ARID3C: variants seen among roughly 807,000 people sequenced by gnomAD.
ARID3C encodes AT-rich interactive domain-containing protein 3C.
A neutral mutation model predicts 37.9 loss-of-function variants in ARID3C; 42 were observed. The ratio of observed to expected loss-of-function variants is 1.11; its 90% CI spans 0.87 to 1.43. The LOEUF (loss-of-function observed/expected upper bound fraction) is 1.43, where lower values mean the gene tolerates loss of function less well. Ranked by LOEUF, ARID3C falls within the 40% of genes most tolerant of loss-of-function variation. The pLI is 0.00. For synonymous variants in ARID3C, 213 were observed against 228.0 expected (o/e 0.93, Z 0.59); for missense variants, 581 against 548.8 (o/e 1.06, Z -0.59).
upstream of ARID3C, among the ~76,000 whole-genome samples, chr9:34,632,332 A>T (rs532260779): frequency 6.6e-6 from 1 of 152,300 alleles, no homozygotes; most frequent in Admixed American, 6.5e-5. Flanking sequence ...TTGGAAGAAA[A>T]GCAAGGAGGC....
intron 2 of ARID3C, among the ~76,000 whole-genome samples, chr9:34,625,050 C>A (rs1008687356): frequency 6.7e-6 from 1 of 149,674 alleles, no homozygotes; most frequent in Admixed American, 6.7e-5. Flanking sequence ...GGGCCAGCAG[C>A]TGCACTAAAG....
chr9:34,624,181 A>G, intron 2 of ARID3C, 134 bp from the exon 4 acceptor site: 2 of 1,020,144 alleles, frequency 2.0e-6, no homozygotes, highest in Non-Finnish European at 2.7e-6. Context: ...ACAGAACCCC[A>G]GGGTCTCTGT....
exon 1 of ARID3C, chr9:34,627,820 T>G: frequency 6.2e-7 from 1 of 1,612,648 alleles, no homozygotes; most frequent in Non-Finnish European, 8.5e-7. Context: ...CTGCCCCGGC[T>G]TCCTCCCGCT....
At position 34,623,588 on chromosome 9, in the gene ARID3C, G is replaced by C. The variant is rs764919484; in HGVS notation, c.702C>G (p.Leu234=). 28 of 1,608,790 alleles carry C rather than the reference G, an allele frequency of 1.7e-5. No individual in the cohort carries two copies. In the African/African-American group the frequency reaches 3.6e-4, roughly 21 times the overall value. ...GAGGGGGCGGCCCTGCCAAGCCGAAGAGCGGAGTAGCGGTGTAAGCCTGGC... is the reference window on the plus strand; with the variant it reads ...GAGGGGGCGGCCCTGCCAAGCCGAACAGCGGAGTAGCGGTGTAAGCCTGGC... The change falls in exon 4 of 7, where the codon CTC becomes CTG. Residue 234 remains leucine, a synonymous_variant. Transcript: ENST00000378909.
At chr9:34,625,958 G>C (rs932037926) in intron 1 of ARID3C, 144 bp from the exon 3 acceptor site, 1 of 914,742 alleles carries the variant, frequency 1.1e-6, no homozygotes, top group Admixed American at 2.5e-5. Flanking sequence ...TTAGCATTAG[G>C]CTCTCTCCGC....
At chr9:34,629,157 T>C (rs949417992), upstream of ARID3C, among the ~76,000 whole-genome samples, 5 of 152,014 alleles carry the variant, frequency 3.3e-5, no homozygotes, top group Admixed American at 6.5e-5. Flanking sequence ...CGCTCTCAGC[T>C]CCCCAACAGG....
At chr9:34,629,727 A>C (rs1820706072), upstream of ARID3C, among the ~76,000 whole-genome samples, 1 of 151,788 alleles carries the variant, frequency 6.6e-6, no homozygotes, top group Admixed American at 6.6e-5. Context: ...CTATTATGGA[A>C]ATTTTCTTTT....
intron 4 of ARID3C, among the ~76,000 whole-genome samples, chr9:34,622,988 A>T (rs1446161590): frequency 6.6e-6 from 1 of 151,920 alleles, no homozygotes; most frequent in African/African-American, 2.4e-5. Context: ...TCTACTAAAA[A>T]TACAAAAATT....
At chr9:34,624,009 C>A in exon 3 of ARID3C, 1 of 1,600,016 alleles carries the variant, frequency 6.2e-7, no homozygotes, top group Non-Finnish European at 8.5e-7. Flanking sequence ...AGGTCGAGCA[C>A]CTGCTTCGCC....
chr9:34,621,063 A>C (rs1171978073), downstream of ARID3C, among the ~76,000 whole-genome samples: 1 of 152,154 alleles, frequency 6.6e-6, no homozygotes, highest in Non-Finnish European at 1.5e-5. Flanking sequence ...GAGGGACCGC[A>C]GCTTTATTGT....
At chr9:34,624,135 G>A (rs558342940) in intron 2 of ARID3C, 88 bp from the exon 4 acceptor site, 1 of 1,438,900 alleles carries the variant, frequency 6.9e-7, no homozygotes, top group African/African-American at 1.4e-5. Flanking sequence ...GGGAGCCCCG[G>A]GGAGGGCGGG....
intron 5 of ARID3C, 64 bp downstream of exon 6, chr9:34,622,283 G>GT: frequency 6.4e-7 from 1 of 1,569,026 alleles, no homozygotes; most frequent in Non-Finnish European, 8.7e-7. Context: ...CACCTATCAG[G>GT]TGATGGGTCA....
exon 2 of ARID3C, chr9:34,625,743 C>G: frequency 6.2e-7 from 1 of 1,613,936 alleles, no homozygotes; most frequent in Non-Finnish European, 8.5e-7. Context: ...GCCACTCACC[C>G]CTCTTTTGCA....
chr9:34,632,177 A>G (rs2132318335), upstream of ARID3C, among the ~76,000 whole-genome samples: 1 of 152,382 alleles, frequency 6.6e-6, no homozygotes, highest in Non-Finnish European at 1.5e-5. Context: ...TGCAAGAGAT[A>G]CTATTATATA....
chr9:34,621,428 GCT>G, exon 7 of ARID3C: 1 of 1,431,440 alleles, frequency 7.0e-7, no homozygotes, highest in Non-Finnish European at 9.3e-7. Context: ...CAGCAATGGG[GCT>G]GGGACTCTTA....
At position 34,622,641 on chromosome 9, in the gene ARID3C, A is replaced by G. The variant is rs572775678; in HGVS notation, c.866-112T>C. 3 of 1,096,988 alleles carry G rather than the reference A, an allele frequency of 2.7e-6. No individual in the cohort carries two copies. In the East Asian group the frequency reaches 7.6e-5, roughly 28 times the overall value. The allele number at this position is 1,096,988 out of a possible 1,614,324, so 68.0% of individuals were successfully genotyped here. A position where few individuals can be genotyped will look rare whatever the true frequency, so the allele number is the denominator to read the frequency against. On this transcript the variant is annotated intron_variant, in intron 4 of 6. Transcript: ENST00000378909. ...ACTCAAGCTCATGTACCAATCTCTC[A>G]TCCTTCATTCGATCTATCTTCCCAT...
At chr9:34,622,138 T>C in intron 5 of ARID3C, 29 bp from the exon 7 acceptor site, 1 of 1,612,116 alleles carries the variant, frequency 6.2e-7, no homozygotes, top group Non-Finnish European at 8.5e-7. Flanking sequence ...AGGAATCACA[T>C]TTTGGAGAAT....
Position 34,623,849 on chromosome 9 carries a change from C to A in ARID3C, c.575+15G>T. The A allele has an allele frequency of 6.4e-7, 1 of 1,570,972 alleles. No individual in the cohort carries two copies. The highest frequency in any genetic ancestry group is 2.3e-5 in the East Asian group (1 of 43,426). On this transcript the variant is annotated intron_variant, in intron 3 of 6. Transcript: ENST00000378909. Reference sequence around the variant, plus strand: ...CCCGTGCCCCCTTCCCTTCCGCTCCCGCCCCTGGCCTCACTGGGTGCGTAG... The same window carrying A: ...CCCGTGCCCCCTTCCCTTCCGCTCCAGCCCCTGGCCTCACTGGGTGCGTAG...
upstream of ARID3C, chr9:34,628,091 G>C: frequency 2.8e-6 from 4 of 1,435,894 alleles, no homozygotes; most frequent in Admixed American, 5.7e-5. The surrounding 1 kb of genome is among the most constrained non-coding windows in gnomAD (Gnocchi z 5.2). Context: ...GGCCGCCTGT[G>C]GGGGAGGGAA....
Sources: gnomAD v4.1 joint callset for allele counts (sites outside exome capture counted in the v4.1 genomes callset) on GRCh38, gnomAD v4.1.1 for gene constraint, Gnocchi (gnomAD v3.1) non-coding constraint, MANE v1.5 for transcripts, NCBI Gene and HGNC (gene_info 2026-07-23, HGNC 2026-07-21) for gene names.